The following RHCG variants were observed in gnomAD, a reference collection of about 807,000 sequenced individuals.
RHCG encodes ammonium transporter Rh type C.
Under a neutral mutation model 55.3 loss-of-function variants are expected in RHCG, and 39 were observed. That is an observed-to-expected ratio of 0.70 (90% CI 0.55 to 0.92). RHCG has a LOEUF of 0.92. Ranked by LOEUF, RHCG falls within the 40% of genes least tolerant of loss-of-function variation. The pLI is 0.00. For synonymous variants in RHCG, 250 were observed against 246.8 expected (o/e 1.01, Z -0.12); for missense variants, 635 against 627.9 (o/e 1.01, Z -0.12).
chr15:89,472,782 T>TGGGTAGTGA lies in RHCG; in HGVS notation c.1392_1393insTCACTACCC (p.Pro464_Met465insSerLeuPro). On this transcript the variant is annotated inframe_insertion, in exon 10 of 11. Transcript: ENST00000268122. ...GAAGCCATGGGTAGTGGGGACACCA[T>TGGGTAGTGA]GGGTACTGAGGGTACTGAGGGTCCT... The TGGGTAGTGA allele has an allele frequency of 6.3e-7, 1 of 1,578,044 alleles. No homozygotes were observed. Among genetic ancestry groups the TGGGTAGTGA allele is most frequent in the East Asian group, 2.4e-5 (1 of 42,374 alleles).
chr15:89,492,771 A>G (rs1161073494), intron 1 of RHCG, among the ~76,000 whole-genome samples: 1 of 152,238 alleles, frequency 6.6e-6, no homozygotes, highest in African/African-American at 2.4e-5. Flanking sequence ...AATAGTTCCA[A>G]CTAATATAGG....
At chr15:89,474,517 A>C (rs1196215012) in intron 9 of RHCG, among the ~76,000 whole-genome samples, 1 of 152,196 alleles carries the variant, frequency 6.6e-6, no homozygotes, top group Non-Finnish European at 1.5e-5. Flanking sequence ...GCCATCCTGC[A>C]TCATCCAATG....
intron 2 of RHCG, 114 bp from the exon 3 acceptor site, chr15:89,483,331 C>T: frequency 1.1e-6 from 1 of 928,598 alleles, no homozygotes; most frequent in Non-Finnish European, 1.5e-6. Flanking sequence ...TTCTGAGCTT[C>T]AGTTTCATCA....
chr15:89,477,546 G>A lies in RHCG; in HGVS notation c.1083C>T (p.Ser361=), dbSNP rs572335837. The part of the protein sequence containing the change: ...GGIVGAVTAA[S]ASLEVYGKEG... ...CTTTTCCATAGACTTCAAGGCTGGCGGAGGCCGCTGTCACAGCACCCACGA... is the reference window on the plus strand; with the variant it reads ...CTTTTCCATAGACTTCAAGGCTGGCAGAGGCCGCTGTCACAGCACCCACGA... Residue 361 remains serine, a synonymous_variant, in exon 7 of 11, where the codon TCC becomes TCT. Coordinates refer to ENST00000268122, the MANE Select transcript of RHCG (RefSeq NM_016321.3). The surrounding 1 kb of genome is among the most constrained non-coding windows in gnomAD (Gnocchi z 4.5). The A allele has an allele frequency of 4.7e-5, 76 of 1,614,040 alleles. No homozygotes were observed. In the Admixed American group the frequency reaches 8.0e-4, roughly 17 times the overall value.
intron 10 of RHCG, among the ~76,000 whole-genome samples, chr15:89,472,062 TAAATAAC>T (rs1961047567): frequency 6.6e-6 from 1 of 152,112 alleles, no homozygotes; most frequent in African/African-American, 2.4e-5. Context: ...CCAAGGAAGT[TAAATAAC>T]AATAATAAAA....
At chr15:89,495,667 A>T (rs1961552828) in intron 1 of RHCG, among the ~76,000 whole-genome samples, 1 of 152,194 alleles carries the variant, frequency 6.6e-6, no homozygotes, top group Middle Eastern at 3.2e-3. Context: ...CCAGAGCTTT[A>T]CATGCACTTC....
chr15:89,495,094 C>T (rs901755206), intron 1 of RHCG, among the ~76,000 whole-genome samples: 3 of 152,276 alleles, frequency 2.0e-5, no homozygotes, highest in East Asian at 3.9e-4. Context: ...TAAATGGAGC[C>T]CAGGAGAAAC....
intron 3 of RHCG, among the ~76,000 whole-genome samples, chr15:89,480,829 T>C (rs1187715742): frequency 6.6e-6 from 1 of 152,272 alleles, no homozygotes. Context: ...TCAGGATTCA[T>C]GCAGGCAACT....
chr15:89,477,074 C>G lies in RHCG; in HGVS notation c.1237+8G>C. ...CCCCCCTTCTCTGGCTCAGCCATTC[C>G]TGCTCACCCACAATGATGCCACCCA... is the stretch of plus-strand genomic sequence containing the variant. On this transcript the variant is annotated splice_region_variant and intron_variant, in intron 8 of 10. Coordinates refer to ENST00000268122, the MANE Select transcript of RHCG (RefSeq NM_016321.3). The surrounding 1 kb of genome is among the most constrained non-coding windows in gnomAD (Gnocchi z 4.5). 6.2e-7 allele frequency: 1 copy of G among 1,614,096 alleles called. No homozygotes were observed. Among genetic ancestry groups the G allele is most frequent in the Non-Finnish European group, 8.5e-7 (1 of 1,180,004 alleles).
At chr15:89,475,940 G>A (rs1263093406) in intron 9 of RHCG, among the ~76,000 whole-genome samples, 7 of 152,018 alleles carry the variant, frequency 4.6e-5, no homozygotes, top group Admixed American at 6.5e-5. Flanking sequence ...TGCTGGGCCC[G>A]CCCCCTTGTT....
At chr15:89,485,395 C>T (rs1961341810) in intron 2 of RHCG, among the ~76,000 whole-genome samples, 2 of 152,198 alleles carry the variant, frequency 1.3e-5, no homozygotes, top group African/African-American at 4.8e-5. Flanking sequence ...CATATCCAGT[C>T]AACTATCTTT....
At chr15:89,482,544 G>C (rs999584961) in intron 3 of RHCG, among the ~76,000 whole-genome samples, 1 of 152,192 alleles carries the variant, frequency 6.6e-6, no homozygotes, top group Non-Finnish European at 1.5e-5. Flanking sequence ...TTCTGAGATA[G>C]AGTCAGAGGT....
At chr15:89,481,820 A>G (rs1194099903) in intron 3 of RHCG, among the ~76,000 whole-genome samples, 1 of 151,446 alleles carries the variant, frequency 6.6e-6, no homozygotes, top group Non-Finnish European at 1.5e-5. Context: ...TGTTTTTTTG[A>G]GATGGAGTTT....
intron 2 of RHCG, among the ~76,000 whole-genome samples, chr15:89,486,080 C>A (rs563995235): frequency 6.6e-5 from 10 of 152,254 alleles, no homozygotes; most frequent in Admixed American, 4.6e-4. Context: ...CTCATCAGGC[C>A]AAGTCATCAT....
intron 2 of RHCG, among the ~76,000 whole-genome samples, chr15:89,483,851 G>A (rs772890253): frequency 6.6e-5 from 10 of 152,230 alleles, no homozygotes; most frequent in South Asian, 2.1e-4. Flanking sequence ...GGAGGCAAAG[G>A]GGCAGGTACA....
intron 1 of RHCG, among the ~76,000 whole-genome samples, chr15:89,494,954 G>A (rs1961539680): frequency 6.6e-6 from 1 of 152,108 alleles, no homozygotes; most frequent in South Asian, 2.1e-4. Context: ...AGGGTCTCAA[G>A]CTTGCCTGCC....
chr15:89,482,212 C>A (rs1961280841), intron 3 of RHCG, among the ~76,000 whole-genome samples: 1 of 152,206 alleles, frequency 6.6e-6, no homozygotes, highest in South Asian at 2.1e-4. Context: ...GCTGGGATTA[C>A]AGGCATGAGC....
chr15:89,491,356 G>A (rs1352796538), intron 1 of RHCG, among the ~76,000 whole-genome samples: 1 of 152,044 alleles, frequency 6.6e-6, no homozygotes, highest in Non-Finnish European at 1.5e-5. Context: ...TTCTCCTTGG[G>A]CACCTCCCCA....
intron 2 of RHCG, among the ~76,000 whole-genome samples, chr15:89,484,078 A>T (rs867351515): frequency 3.0e-4 from 1 of 3,344 alleles, no homozygotes; most frequent in Non-Finnish European, 5.7e-4. Context: ...AGAGTTGTTG[A>T]TGGGGTGGGT....
Sources: gnomAD v4.1 joint callset for allele counts (sites outside exome capture counted in the v4.1 genomes callset) on GRCh38, gnomAD v4.1.1 for gene constraint, Gnocchi (gnomAD v3.1) non-coding constraint, MANE v1.5 for transcripts, NCBI Gene and HGNC (gene_info 2026-07-23, HGNC 2026-07-21) for gene names.